Variants in PMS1 observed in about 807,000 individuals in gnomAD.
The protein encoded by PMS1 is PMS1 homolog 1, mismatch repair system component, also known as PMS1 protein homolog 1.
In PMS1, 79 loss-of-function variants were observed where a neutral mutation model predicts 93.1. That is an observed-to-expected ratio of 0.85 (90% CI 0.71 to 1.02). PMS1 has a LOEUF of 1.02. Among genes scored for constraint, PMS1 ranks in the 50% least tolerant of loss-of-function variants. PMS1 has a pLI of 0.00. For synonymous variants in PMS1, 335 were observed against 363.4 expected, an observed-to-expected ratio of 0.92 and a Z score of 0.89; for missense variants, 1,064 against 1,085.3, an observed-to-expected ratio of 0.98 and a Z score of 0.28.
At chr2:189,864,849 T>G (rs1444620857) in intron 10 of PMS1, among the ~76,000 whole-genome samples, 1 of 149,330 alleles carries the variant, frequency 6.7e-6, no homozygotes, top group Non-Finnish European at 1.5e-5. Flanking sequence ...GTGACTTCTC[T>G]AGGGTAATTT....
intron 3 of PMS1, among the ~76,000 whole-genome samples, chr2:189,802,707 A>G (rs2049998358): frequency 6.6e-6 from 1 of 152,224 alleles, no homozygotes; most frequent in South Asian, 2.1e-4. Flanking sequence ...GTGGGCCCAC[A>G]TACTATAAAA....
At chr2:189,829,301 C>T (rs558714902) in intron 5 of PMS1, among the ~76,000 whole-genome samples, 150 of 152,238 alleles carry the variant, frequency 9.9e-4, no homozygotes, top group Middle Eastern at 3.4e-3. Context: ...TGTCATTGCC[C>T]AAAACCACAC....
chr2:189,794,141 C>T (rs2049133660), intron 2 of PMS1, among the ~76,000 whole-genome samples: 1 of 152,170 alleles, frequency 6.6e-6, no homozygotes, highest in African/African-American at 2.4e-5. Flanking sequence ...TTGAGACAGT[C>T]TCATTCTGTT....
At chr2:189,792,033 C>T in intron 2 of PMS1, 92 bp downstream of exon 2, 1 of 1,078,254 alleles carries the variant, frequency 9.3e-7, no homozygotes, top group Non-Finnish European at 1.4e-6. Context: ...TATTTTATTT[C>T]TTTACACCAA....
chr2:189,786,091 G>C (rs1044841267), intron 1 of PMS1, among the ~76,000 whole-genome samples: 4 of 152,050 alleles, frequency 2.6e-5, no homozygotes, highest in Admixed American at 2.0e-4. Context: ...CTGCACTCTG[G>C]CCTGGGCAAC....
At chr2:189,786,653 G>A (rs1305822972) in intron 1 of PMS1, among the ~76,000 whole-genome samples, 1 of 152,146 alleles carries the variant, frequency 6.6e-6, no homozygotes, top group Non-Finnish European at 1.5e-5. Context: ...TGGTGATAAA[G>A]GATGATAGAA....
At chr2:189,802,365 TAAG>T (rs1288945849) in intron 3 of PMS1, among the ~76,000 whole-genome samples, 4 of 152,240 alleles carry the variant, frequency 2.6e-5, no homozygotes, top group Non-Finnish European at 5.9e-5. Context: ...AGAATGTTAT[TAAG>T]AAAATTATAA....
Position 189,817,532 on chromosome 2 carries a change from C to A in PMS1, c.419-485C>A, listed in dbSNP as rs963749627. Reference sequence around the variant, plus strand: ...AGTTAAACTATAAGTTAAAAAAATTCTTTTGTTAGGTTATCCTGTGTTTTT... The same window carrying A: ...AGTTAAACTATAAGTTAAAAAAATTATTTTGTTAGGTTATCCTGTGTTTTT... On this transcript the variant is annotated intron_variant, in intron 4 of 12. Coordinates refer to ENST00000441310, the MANE Select transcript of PMS1 (RefSeq NM_000534.5). 3.3e-5 allele frequency among the ~76,000 whole-genome samples: 5 copies of A among 152,068 alleles called. 1 individual carries two copies. Among genetic ancestry groups the A allele is most frequent in the South Asian group, 4.2e-4 (2 of 4,812 alleles).
At chr2:189,816,447 G>A (rs1017032852) in intron 4 of PMS1, among the ~76,000 whole-genome samples, 1 of 152,096 alleles carries the variant, frequency 6.6e-6, no homozygotes, top group Non-Finnish European at 1.5e-5. Flanking sequence ...CTTTCTGTAT[G>A]ACAATGTGTA....
At chr2:189,815,443 G>A (rs2051209931) in intron 4 of PMS1, among the ~76,000 whole-genome samples, 2 of 152,150 alleles carry the variant, frequency 1.3e-5, no homozygotes. Context: ...GGCTCATGAG[G>A]GCAGTTTCTC....
chr2:189,814,899 C>T (rs1559245858), intron 4 of PMS1, among the ~76,000 whole-genome samples: 1 of 151,968 alleles, frequency 6.6e-6, no homozygotes, highest in Non-Finnish European at 1.5e-5. Context: ...AGATCGAGAC[C>T]ATCCTGGCTA....
In PMS1 at chr2:189,854,944, G is replaced by C; in HGVS notation, c.1672G>C (p.Gly558Arg). The C allele has an allele frequency of 6.2e-7, 1 of 1,610,294 alleles. No homozygotes were observed. Among genetic ancestry groups the C allele is most frequent in the Middle Eastern group, 1.7e-4 (1 of 6,048 alleles). The change falls in exon 9 of 13, where the codon GGA becomes CGA. Residue 558 changes from glycine (G) to arginine (R), a missense_variant. Coordinates refer to ENST00000441310, the MANE Select transcript of PMS1 (RefSeq NM_000534.5). Reference sequence around the variant, plus strand: ...ATCAAATGTAATAGATAATAAATCTGGAAAAGTTACAGCTTATGATTTACT... The same window carrying C: ...ATCAAATGTAATAGATAATAAATCTCGAAAAGTTACAGCTTATGATTTACT... The part of the protein sequence containing the change: ...KKSNVIDNKS[G>R]KVTAYDLLSN...
At chr2:189,855,925 G>A (rs2055282688) in intron 9 of PMS1, 7 of 818,510 alleles carry the variant, frequency 8.6e-6, no homozygotes, top group South Asian at 6.0e-5. Context: ...AGGTATCTGA[G>A]TATCTCAATA....
chr2:189,799,803 T>C (rs796308749), intron 3 of PMS1, among the ~76,000 whole-genome samples: 7 of 152,266 alleles, frequency 4.6e-5, no homozygotes, highest in African/African-American at 1.4e-4. Context: ...CAGGGCAACC[T>C]GCATCCAATG....
chr2:189,857,150 A>G (rs151304239), intron 9 of PMS1, among the ~76,000 whole-genome samples: 12 of 152,274 alleles, frequency 7.9e-5, no homozygotes, highest in African/African-American at 2.6e-4. Flanking sequence ...ATAGTAAATG[A>G]TTGCTCACAA....
intron 5 of PMS1, among the ~76,000 whole-genome samples, chr2:189,831,875 A>C (rs943761979): frequency 6.6e-6 from 1 of 151,990 alleles, no homozygotes; most frequent in Non-Finnish European, 1.5e-5. Flanking sequence ...TCCGCCTCCC[A>C]GGTTCAAGCA....
intron 5 of PMS1, among the ~76,000 whole-genome samples, chr2:189,826,560 T>C (rs188467938): frequency 6.6e-6 from 1 of 152,228 alleles, no homozygotes; most frequent in East Asian, 1.9e-4. Flanking sequence ...TTGTGAAATA[T>C]AGAAAAGATG....
chr2:189,864,114 A>T lies in PMS1; in HGVS notation c.2228A>T (p.Glu743Val). Residue 743 changes from glutamate (E) to valine (V), a missense_variant, in exon 10 of 13, where the codon GAG becomes GTG. Glu to Val is a moderately radical substitution (Grantham distance 121). Transcript: ENST00000441310. ...GCATGGCTAATGACATCCAAAACAG[A>T]GGTAATGTTATTAAATCCATATAGA... The part of the protein sequence containing the change: ...PDAWLMTSKT[E>V]VMLLNPYRVE... 2 of 1,613,408 alleles carry T rather than the reference A, an allele frequency of 1.2e-6. No individual in the cohort carries two copies. Among genetic ancestry groups the T allele is most frequent in the Non-Finnish European group, 1.7e-6 (2 of 1,179,460 alleles).
At chr2:189,870,159 GTTTTTTTA>G (rs1559333251) in intron 11 of PMS1, among the ~76,000 whole-genome samples, 1 of 151,734 alleles carries the variant, frequency 6.6e-6, no homozygotes, top group East Asian at 1.9e-4. Flanking sequence ...TCATTTCTTT[GTTTTTTTA>G]TTTTTTTAAT....
Sources: gnomAD v4.1 joint callset for allele counts (sites outside exome capture counted in the v4.1 genomes callset) on GRCh38, gnomAD v4.1.1 for gene constraint, MANE v1.5 for transcripts, NCBI Gene and HGNC (gene_info 2026-07-23, HGNC 2026-07-21) for gene names.